The following PAK4 variants were observed in gnomAD, a reference collection of about 807,000 sequenced individuals.
The protein encoded by PAK4 is p21 (RAC1) activated kinase 4, also known as serine/threonine-protein kinase PAK 4.
A neutral mutation model predicts 53.5 loss-of-function variants in PAK4; 49 were observed. That is an observed-to-expected ratio of 0.92 (90% CI 0.73 to 1.16). The LOEUF (loss-of-function observed/expected upper bound fraction) is 1.16. PAK4 is among the 50% of genes most tolerant of loss of function. PAK4 has a pLI of 0.00. For synonymous variants in PAK4, 376 were observed against 375.6 expected, an observed-to-expected ratio of 1.00 and a Z score of -0.01; for missense variants, 824 against 850.7, an observed-to-expected ratio of 0.97 and a Z score of 0.39.
intron 1 of PAK4, among the ~76,000 whole-genome samples, chr19:39,167,605 G>A (rs2074398868): frequency 6.6e-6 from 1 of 152,172 alleles, no homozygotes; most frequent in Non-Finnish European, 1.5e-5. Context: ...GCCAACCCTG[G>A]GAGCCTTGGC....
At chr19:39,151,367 G>A (rs11673014) in intron 1 of PAK4, among the ~76,000 whole-genome samples, 46,232 of 152,202 alleles carry the variant, frequency 0.3, 7,495 homozygotes, top group Middle Eastern at 0.39. Context: ...GCCACGCCCC[G>A]TGCTGCAAGG....
intron 1 of PAK4, chr19:39,167,922 A>G (rs2074405792): frequency 6.6e-6 from 1 of 152,316 alleles, no homozygotes; most frequent in Admixed American, 6.5e-5. Flanking sequence ...AGCTGGGACA[A>G]GACAGAACAG....
chr19:39,175,590 C>T lies in PAK4; in HGVS notation c.1359+152C>T. 1 of 844,812 alleles carries T rather than the reference C, an allele frequency of 1.2e-6. No homozygotes were observed. The highest frequency in any genetic ancestry group is 1.8e-6 in the Non-Finnish European group (1 of 552,052). 52.3% of individuals were successfully genotyped at this position (844,812 alleles called of 1,614,324 possible). On this transcript the variant is annotated intron_variant, in intron 6 of 8. Coordinates refer to ENST00000358301, the Ensembl canonical transcript of PAK4. The surrounding 1 kb of genome is among the most constrained non-coding windows in gnomAD (Gnocchi z 4.7). The stretch of plus-strand genomic sequence containing the variant: ...ACTTCGTCCCTCCCTGGTGGAGCAG[C>T]CCAGAGTCAGGTTCCAGCTCAGTGG...
intron 1 of PAK4, among the ~76,000 whole-genome samples, chr19:39,137,346 G>A (rs563230149): frequency 2.4e-4 from 37 of 152,084 alleles, no homozygotes; most frequent in Middle Eastern, 3.4e-3. Context: ...TTCTAGATCC[G>A]GGAAGCTCTT....
At chr19:39,172,856 A>G in intron 2 of PAK4, 62 bp from the exon 4 acceptor site, 1 of 1,354,024 alleles carries the variant, frequency 7.4e-7, no homozygotes, top group South Asian at 1.4e-5. Flanking sequence ...TGCGTGTCGG[A>G]TGCACGTCCT....
rs375385610 is a variant in PAK4 at position 39,177,819 on chromosome 19, T to C, written c.1620+10T>C. The C allele has an allele frequency of 1.3e-5, 20 of 1,599,362 alleles. No homozygotes were observed. The East Asian group carries it at 3.8e-4, about 31-fold the overall frequency. Reference sequence around the variant, plus strand: ...GAAGAACCTGCACAAGGTAGGCCCCTCCCTGGCTGGGAAACTGTGCGCCAG... The same window carrying C: ...GAAGAACCTGCACAAGGTAGGCCCCCCCCTGGCTGGGAAACTGTGCGCCAG... On this transcript the variant is annotated intron_variant, in intron 8 of 8. Transcript: ENST00000358301.
In PAK4 at chr19:39,132,366, C is replaced by T. The variant is rs192223893; in HGVS notation, c.-23+6447C>T. On this transcript the variant is annotated intron_variant, in intron 1 of 8. Transcript: ENST00000358301. ...TTCCCAGAGATAGCATCATCACCCC[C>T]GGTTTCTTTTCTTTCTTTCTTGAAA... Among the ~76,000 whole-genome samples, 132 of 152,352 alleles carry T rather than the reference C, an allele frequency of 8.7e-4. No individual in the cohort carries two copies. In the East Asian group the frequency reaches 0.018, roughly 21 times the overall value.
intron 1 of PAK4, among the ~76,000 whole-genome samples, chr19:39,131,548 G>A (rs1235933720): frequency 6.6e-6 from 1 of 152,114 alleles, no homozygotes; most frequent in Non-Finnish European, 1.5e-5. Flanking sequence ...ACCCATCCGG[G>A]GCCAAGGCTT....
chr19:39,170,186 G>A (rs929909434), intron 2 of PAK4, among the ~76,000 whole-genome samples: 4 of 152,154 alleles, frequency 2.6e-5, no homozygotes, highest in African/African-American at 7.2e-5. Flanking sequence ...GGGGGAGCCC[G>A]GAGGAGGCAC....
intron 1 of PAK4, among the ~76,000 whole-genome samples, chr19:39,165,527 T>TAAATAAAC (rs1370013160): frequency 3.8e-4 from 49 of 129,590 alleles, no homozygotes; most frequent in African/African-American, 1.2e-3. Context: ...AATAAATAAA[T>TAAATAAAC]AAATAAATAA....
At chr19:39,160,796 C>T (rs1041833488) in intron 1 of PAK4, among the ~76,000 whole-genome samples, 2 of 152,226 alleles carry the variant, frequency 1.3e-5, no homozygotes, top group African/African-American at 2.4e-5. Context: ...TTCAGATTCC[C>T]TTCTAACCAC....
At chr19:39,174,474 C>T (rs919815926) in intron 4 of PAK4, among the ~76,000 whole-genome samples, 3 of 151,932 alleles carry the variant, frequency 2.0e-5, no homozygotes, top group South Asian at 2.1e-4. Flanking sequence ...GGCAGTGCCC[C>T]GTAGCACCCT....
Position 39,173,145 on chromosome 19 carries a change from G to T in PAK4, c.432G>T (p.Ala144=), listed in dbSNP as rs1045562. The T allele has an allele frequency of 6.5e-7, 1 of 1,543,072 alleles. No individual in the cohort carries two copies. Among genetic ancestry groups the T allele is most frequent in the South Asian group, 1.2e-5 (1 of 83,568 alleles). The change falls in exon 3 of 9, where the codon GCG becomes GCT. Residue 144 remains alanine (A), a synonymous_variant. Coordinates refer to ENST00000358301, the Ensembl canonical transcript of PAK4. This position sits in a 1 kb window ranked among gnomAD's most constrained non-coding sequence, Gnocchi z 6.9. ...GCCGGTTCGCCGGTCACAGCGAGGC[G>T]GGTGGCGGCAGTGGTGACAGGCGAC...
At chr19:39,132,700 C>T (rs1568495831) in intron 1 of PAK4, among the ~76,000 whole-genome samples, 1 of 152,190 alleles carries the variant, frequency 6.6e-6, no homozygotes, top group African/African-American at 2.4e-5. Context: ...AGACAGGTGC[C>T]CCGTTAACTT....
chr19:39,144,933 A>G (rs1369453540), intron 1 of PAK4, among the ~76,000 whole-genome samples: 1 of 152,184 alleles, frequency 6.6e-6, no homozygotes, highest in Admixed American at 6.5e-5. Flanking sequence ...TGACATGTGT[A>G]CAGAAAAGTG....
chr19:39,126,945 T>C (rs1394271923), intron 1 of PAK4, among the ~76,000 whole-genome samples: 1 of 152,154 alleles, frequency 6.6e-6, no homozygotes, highest in Non-Finnish European at 1.5e-5. Context: ...CTCCTGCCCC[T>C]GGTCGCCACA....
intron 7 of PAK4, among the ~76,000 whole-genome samples, chr19:39,177,109 T>C: frequency 6.6e-6 from 1 of 152,150 alleles, no homozygotes; most frequent in African/African-American, 2.4e-5. Flanking sequence ...TCAGGTGATC[T>C]ATCCGCCTTG....
chr19:39,128,181 T>C (rs774589532), intron 1 of PAK4, among the ~76,000 whole-genome samples: 8 of 152,196 alleles, frequency 5.3e-5, no homozygotes, highest in African/African-American at 9.7e-5. Context: ...GTGTTAGCGC[T>C]GCCTCATAGA....
intron 1 of PAK4, among the ~76,000 whole-genome samples, chr19:39,147,454 T>C (rs2074019511): frequency 6.6e-6 from 1 of 152,208 alleles, no homozygotes; most frequent in Non-Finnish European, 1.5e-5. Flanking sequence ...AAAGCCACTA[T>C]AAACCTCGAC....
Sources: allele counts gnomAD v4.1 joint callset (sites outside exome capture counted in the v4.1 genomes callset), GRCh38; gene constraint gnomAD v4.1.1; non-coding constraint Gnocchi (gnomAD v3.1); transcripts MANE v1.5; gene names NCBI Gene and HGNC (gene_info 2026-07-23, HGNC 2026-07-21).